DNAH17: variants seen among roughly 807,000 people sequenced by gnomAD.
The protein encoded by DNAH17 is axonemal beta dynein heavy chain 17.
Under a neutral mutation model 485.6 loss-of-function variants are expected in DNAH17, and 376 were observed. The observed-to-expected ratio is 0.77, with a 90% CI of 0.71 to 0.84. DNAH17 has a LOEUF of 0.84. Ranked by LOEUF, DNAH17 falls within the 40% of genes least tolerant of loss-of-function variation. The pLI, the probability that DNAH17 is intolerant of heterozygous loss-of-function variation, is 0.00. For missense variants in DNAH17, 6,370 were observed against 5,839.3 expected (o/e 1.09, Z -2.96); for synonymous variants, 3,031 against 2,405.9 (o/e 1.26, Z -7.60).
Position 78,501,864 on chromosome 17 carries a change from G to A in DNAH17, c.5200C>T (p.Leu1734=). Residue 1734 remains leucine, a synonymous_variant, in exon 34 of 81, where the codon CTG becomes TTG. Coordinates refer to ENST00000389840, the MANE Select transcript of DNAH17 (RefSeq NM_173628.4). ...RDYNKKQISQ[L]NVLITLLMGN... is the part of the protein sequence containing the mutation. ...ATGAGCAGCGTGATGAGTACGTTCA[G>A]CTGGCTAATCTGCGGGGGAGAGTGC... The A allele has an allele frequency of 6.2e-7, 1 of 1,614,046 alleles. No homozygotes were observed. The highest frequency in any genetic ancestry group is 1.1e-5 in the South Asian group (1 of 91,088).
In DNAH17 at chr17:78,475,259, T is replaced by C. The variant is rs755496892; in HGVS notation, c.8511+19A>G. On this transcript the variant is annotated intron_variant, in intron 54 of 80. Transcript: ENST00000389840. ...TGACCCTACCCTGAAAGGCAGCCTA[T>C]TGAACAGTAAGCTCTCACCTTGAGG... is the stretch of plus-strand genomic sequence containing the variant. 5 of 1,613,280 alleles carry C rather than the reference T, an allele frequency of 3.1e-6. No homozygotes were observed. In the Admixed American group the frequency reaches 6.7e-5, roughly 22 times the overall value.
rs772188534 is a variant in DNAH17 at position 78,444,675 on chromosome 17, C to A, written c.11457G>T (p.Lys3819Asn). ...ACAGCTTCTGCAGGGCCGTCTTGTT[C>A]TTCCACTCCTTGGGGAAGATCTCCT... Reference protein sequence around the residue: ...PEKEIFPKEWKNKTALQKLCM... With the variant: ...PEKEIFPKEWNNKTALQKLCM... The change falls in exon 71 of 81, where the codon AAG (lysine) becomes AAT (asparagine). Residue 3819 changes from lysine to asparagine, a missense_variant. Transcript: ENST00000389840. 1 of 1,610,768 alleles carries A rather than the reference C, an allele frequency of 6.2e-7. No homozygotes were observed. The highest frequency in any genetic ancestry group is 1.3e-5 in the African/African-American group (1 of 74,856).
At chr17:78,544,764 C>G (rs11652045) in intron 16 of DNAH17, among the ~76,000 whole-genome samples, 83,922 of 143,026 alleles carry the variant, frequency 0.59, 25,900 homozygotes, top group African/African-American at 0.78. Context: ...TCACGCCACT[C>G]CACTCCAGCC....
chr17:78,505,811 T>C (rs1383174391), intron 30 of DNAH17, among the ~76,000 whole-genome samples: 2 of 151,998 alleles, frequency 1.3e-5, no homozygotes, highest in African/African-American at 4.8e-5. Context: ...AAACCCCATC[T>C]CTACTAAAAA....
chr17:78,472,024 G>A (rs930320454), intron 54 of DNAH17, among the ~76,000 whole-genome samples: 6 of 152,248 alleles, frequency 3.9e-5, no homozygotes, highest in East Asian at 1.9e-4. Flanking sequence ...ATCTGCCTGC[G>A]TCCCTATCAT....
At chr17:78,557,231 G>A (rs2092043760) in intron 14 of DNAH17, among the ~76,000 whole-genome samples, 1 of 152,164 alleles carries the variant, frequency 6.6e-6, no homozygotes, top group Non-Finnish European at 1.5e-5. Context: ...TGCCCATCCA[G>A]TCCTCCCCAC....
At position 78,462,835 on chromosome 17, in the gene DNAH17, C is replaced by A. The variant is rs374286032; in HGVS notation, c.9174+9G>T. 22 of 1,613,792 alleles carry A rather than the reference C, an allele frequency of 1.4e-5. No homozygotes were observed. The Admixed American group carries it at 2.2e-4, about 16-fold the overall frequency. ...GCACAGGAGCTGGCAGCCAGCCCCC[C>A]TCTCCTACCTGGGAAGCCGTGCTCT... On this transcript the variant is annotated intron_variant, in intron 57 of 80. Transcript: ENST00000389840.
At chr17:78,430,343 C>T (rs766909567) in intron 75 of DNAH17, among the ~76,000 whole-genome samples, 3 of 151,980 alleles carry the variant, frequency 2.0e-5, no homozygotes, top group African/African-American at 7.2e-5. Context: ...TTTTTGGTAC[C>T]CAGCATGTGA....
At chr17:78,499,335 C>A (rs2146707772) in intron 36 of DNAH17, 1 of 385,210 alleles carries the variant, frequency 2.6e-6, no homozygotes, top group Non-Finnish European at 4.6e-6. Flanking sequence ...TTCACCCTTG[C>A]CTCCCAGACC....
chr17:78,546,214 T>A (rs573226721), intron 16 of DNAH17, among the ~76,000 whole-genome samples: 1 of 152,206 alleles, frequency 6.6e-6, no homozygotes, highest in Non-Finnish European at 1.5e-5. Context: ...GCATGAGCCA[T>A]TGAGCTCGGC....
At chr17:78,537,701 G>T (rs2091415439) in intron 18 of DNAH17, among the ~76,000 whole-genome samples, 1 of 152,250 alleles carries the variant, frequency 6.6e-6, no homozygotes. Flanking sequence ...GGCAGGTTGG[G>T]GCAAGGGGAG....
intron 56 of DNAH17, among the ~76,000 whole-genome samples, chr17:78,463,448 A>T (rs1009694319): frequency 2.0e-5 from 3 of 151,784 alleles, no homozygotes; most frequent in African/African-American, 7.3e-5. Flanking sequence ...ACGCATTCAC[A>T]TACCTGTATA....
At chr17:78,430,546 T>A (rs692632) in intron 75 of DNAH17, among the ~76,000 whole-genome samples, 24,236 of 152,184 alleles carry the variant, frequency 0.16, 2,062 homozygotes, top group Middle Eastern at 0.2. Flanking sequence ...TCATCTGATT[T>A]GGTCTCATGA....
chr17:78,560,510 T>C (rs934177635), intron 13 of DNAH17, among the ~76,000 whole-genome samples: 1 of 151,646 alleles, frequency 6.6e-6, no homozygotes, highest in African/African-American at 2.4e-5. Context: ...TGTCATTTCT[T>C]CTTGGGATCA....
intron 62 of DNAH17, chr17:78,458,357 G>C: frequency 1.7e-6 from 1 of 581,684 alleles, no homozygotes; most frequent in Non-Finnish European, 3.1e-6. Flanking sequence ...GGGTTACTTG[G>C]AACCACGCGA....
intron 25 of DNAH17, among the ~76,000 whole-genome samples, chr17:78,519,672 A>G (rs1598630999): frequency 6.6e-6 from 1 of 152,334 alleles, no homozygotes; most frequent in East Asian, 1.9e-4. Context: ...TGCTTGCTTG[A>G]ATTAAACAAT....
rs55669221 is a variant in DNAH17 at position 78,544,800 on chromosome 17, C to CAAAAAAAAAAAAAAAAAAAAA, written c.2392-824_2392-804dup. On this transcript the variant is annotated intron_variant, in intron 16 of 80. Coordinates refer to ENST00000389840, the MANE Select transcript of DNAH17 (RefSeq NM_173628.4). ...TGGGGCACAGAGCGAGACTCAGTCT[C>CAAAAAAAAAAAAAAAAAAAAA]AAAAAAAAAAAAAAAAAAAAAAAAG... Among the ~76,000 whole-genome samples, 158 of 46,864 alleles carry CAAAAAAAAAAAAAAAAAAAAA rather than the reference C, an allele frequency of 3.4e-3. 13 individuals carry two copies. The highest frequency in any genetic ancestry group is 6.1e-3 in the East Asian group (10 of 1,628). The allele number at this position is 46,864 out of a possible 152,430, so 30.7% of individuals were successfully genotyped here. A position where few individuals can be genotyped will look rare whatever the true frequency, so the allele number is the denominator to read the frequency against.
Position 78,449,594 on chromosome 17 carries a change from C to A in DNAH17, c.11041-10G>T. ...ACACCACGTTGAAGGCCTGGGGATC[C>A]GCCACCGAGAGCCATGGAGGCGTGC... On this transcript the variant is annotated splice_polypyrimidine_tract_variant and intron_variant, in intron 68 of 80. Coordinates refer to ENST00000389840, the MANE Select transcript of DNAH17 (RefSeq NM_173628.4). 3 of 1,584,772 alleles carry A rather than the reference C, an allele frequency of 1.9e-6. No homozygotes were observed. The highest frequency in any genetic ancestry group is 2.6e-6 in the Non-Finnish European group (3 of 1,162,772).
intron 69 of DNAH17, among the ~76,000 whole-genome samples, chr17:78,447,819 T>A (rs1184392428): frequency 1.3e-5 from 2 of 152,214 alleles, no homozygotes; most frequent in Non-Finnish European, 2.9e-5. Context: ...AACCTGTTTA[T>A]ACAATTAGTG....
Sources: allele counts gnomAD v4.1 joint callset (sites outside exome capture counted in the v4.1 genomes callset), GRCh38; gene constraint gnomAD v4.1.1; transcripts MANE v1.5; gene names NCBI Gene and HGNC (gene_info 2026-07-23, HGNC 2026-07-21).